ADK: variants seen among roughly 807,000 people sequenced by gnomAD.
ADK encodes the protein N6,N6-dimethyladenosine kinase.
A neutral mutation model predicts 44.7 loss-of-function variants in ADK; 24 were observed. The ratio of observed to expected loss-of-function variants is 0.54; its 90% CI spans 0.39 to 0.76. The LOEUF is 0.76. ADK is among the 30% of genes least tolerant of loss of function. ADK has a pLI of 0.00. For synonymous variants in ADK, 128 were observed against 142.6 expected, an observed-to-expected ratio of 0.90 and a Z score of 0.73; for missense variants, 321 against 425.1, an observed-to-expected ratio of 0.76 and a Z score of 2.15.
intron 4 of ADK, among the ~76,000 whole-genome samples, chr10:74,387,939 C>T (rs1036997274): frequency 2.6e-5 from 4 of 151,528 alleles, no homozygotes; most frequent in Non-Finnish European, 5.9e-5. Flanking sequence ...AGGAGTTCCA[C>T]TCTTATTGCC....
At chr10:74,238,691 T>C (rs1367348983) in intron 3 of ADK, among the ~76,000 whole-genome samples, 1 of 152,150 alleles carries the variant, frequency 6.6e-6, no homozygotes, top group Non-Finnish European at 1.5e-5. Context: ...AAATATTGTT[T>C]CTTTTTGCCT....
intron 1 of ADK, among the ~76,000 whole-genome samples, chr10:74,182,167 T>C (rs1223153042): frequency 6.6e-6 from 1 of 152,200 alleles, no homozygotes; most frequent in Admixed American, 6.5e-5. Flanking sequence ...GTTGAGTTGG[T>C]TTCTTTAGAG....
intron 3 of ADK, among the ~76,000 whole-genome samples, chr10:74,251,894 C>CTTTTTTTT (rs566363104): frequency 7.0e-5 from 7 of 99,394 alleles, no homozygotes; most frequent in African/African-American, 1.2e-4. Context: ...GTGGCAGATA[C>CTTTTTTTT]TTTTTTTTTT....
chr10:74,413,049 A>G (rs1592174521), intron 6 of ADK, among the ~76,000 whole-genome samples: 1 of 151,594 alleles, frequency 6.6e-6, no homozygotes, highest in East Asian at 1.9e-4. Context: ...CAAGAGTGAA[A>G]CTGTCCCCAA....
intron 3 of ADK, among the ~76,000 whole-genome samples, chr10:74,310,676 G>C (rs1840403250): frequency 1.3e-5 from 2 of 152,126 alleles, no homozygotes; most frequent in Non-Finnish European, 2.9e-5. Flanking sequence ...GCTAAATAGA[G>C]TTTAATAATT....
intron 9 of ADK, among the ~76,000 whole-genome samples, chr10:74,631,269 GATTT>G (rs1295108830): frequency 2.1e-5 from 3 of 143,404 alleles, no homozygotes; most frequent in Non-Finnish European, 4.5e-5. Context: ...ATATATATAT[GATTT>G]ATTTATTTTT....
chr10:74,585,411 T>C (rs1482948424), intron 7 of ADK, among the ~76,000 whole-genome samples: 2 of 152,170 alleles, frequency 1.3e-5, no homozygotes, highest in Non-Finnish European at 2.9e-5. Context: ...CAATGAGAAC[T>C]GATTCTGAAA....
rs7087567 is a variant in ADK at position 74,550,229 on chromosome 10, C to A, written c.726+24803C>A. ...GGGATCACAGGCATCCACCACCATG[C>A]CCAGCTAATTTTTGTATTCTTAGTA... On this transcript the variant is annotated intron_variant, in intron 7 of 10. Transcript: ENST00000539909. Among the ~76,000 whole-genome samples the A allele has an allele frequency of 5.3e-3, 799 of 152,098 alleles. 7 individuals are homozygous for A. Among genetic ancestry groups the A allele is most frequent in the African/African-American group, 0.018 (763 of 41,490 alleles).
chr10:74,662,170 A>G (rs1010308922), intron 9 of ADK, among the ~76,000 whole-genome samples: 1 of 152,236 alleles, frequency 6.6e-6, no homozygotes, highest in South Asian at 2.1e-4. Flanking sequence ...AGGTAATAAC[A>G]CTGAGTTTAA....
At chr10:74,198,196 G>A in intron 1 of ADK, among the ~76,000 whole-genome samples, 1 of 152,154 alleles carries the variant, frequency 6.6e-6, no homozygotes, top group East Asian at 1.9e-4. Context: ...AGTAGTCCCA[G>A]TGAAATCATG....
At chr10:74,358,816 A>G (rs1842227417) in intron 4 of ADK, among the ~76,000 whole-genome samples, 2 of 152,380 alleles carry the variant, frequency 1.3e-5, no homozygotes, top group South Asian at 2.1e-4. Flanking sequence ...TTTTAGTAAC[A>G]TACATAATTT....
In ADK at chr10:74,619,020, G is replaced by GTGTT. The variant is rs893504690; in HGVS notation, c.877+18530_877+18531insTTGT. Among the ~76,000 whole-genome samples, 32 of 90,390 alleles carry GTGTT rather than the reference G, an allele frequency of 3.5e-4. 1 individual carries two copies. The South Asian group carries it at 0.02, about 57-fold the overall frequency. The allele number at this position is 90,390 out of a possible 152,430, so 59.3% of individuals were successfully genotyped here. Reference sequence around the variant, plus strand: ...TATGCCTTTTATGCTCTTTGTGTGTGTGTGTGTGTGTGTGTGTGTGTGTGT... The same window carrying GTGTT: ...TATGCCTTTTATGCTCTTTGTGTGTGTGTTTGTGTGTGTGTGTGTGTGTGTGTGT... On this transcript the variant is annotated intron_variant, in intron 9 of 10. Transcript: ENST00000539909.
intron 6 of ADK, among the ~76,000 whole-genome samples, chr10:74,449,797 G>A (rs1845707968): frequency 6.6e-6 from 1 of 152,174 alleles, no homozygotes; most frequent in Admixed American, 6.5e-5. Context: ...ATACTAGACT[G>A]TGAGCTTTCT....
At chr10:74,706,682 T>A (rs1385402631) in intron 10 of ADK, among the ~76,000 whole-genome samples, 6 of 152,236 alleles carry the variant, frequency 3.9e-5, no homozygotes, top group Admixed American at 3.3e-4. Context: ...ATAAATCCTC[T>A]GGCTTTGTTC....
At chr10:74,303,824 C>G (rs1244095103) in intron 3 of ADK, among the ~76,000 whole-genome samples, 1 of 151,658 alleles carries the variant, frequency 6.6e-6, no homozygotes, top group Admixed American at 6.6e-5. Context: ...AAAAAATTAG[C>G]TGGGTGTGGT....
intron 9 of ADK, among the ~76,000 whole-genome samples, chr10:74,609,665 C>T (rs913285259): frequency 6.6e-6 from 1 of 152,058 alleles, no homozygotes; most frequent in Admixed American, 6.6e-5. Context: ...GAGGTGCAGA[C>T]CGGAGCTGTT....
chr10:74,290,017 CTA>C (rs1847343972), intron 3 of ADK, among the ~76,000 whole-genome samples: 1 of 151,728 alleles, frequency 6.6e-6, no homozygotes, highest in Non-Finnish European at 1.5e-5. Context: ...GGAAACCAAA[CTA>C]GTGCTATGCT....
intron 3 of ADK, among the ~76,000 whole-genome samples, chr10:74,243,195 G>C (rs1845290194): frequency 1.3e-5 from 2 of 152,158 alleles, no homozygotes; most frequent in African/African-American, 4.8e-5. Context: ...TGGGGTCGTG[G>C]GCACCCTCAC....
intron 9 of ADK, among the ~76,000 whole-genome samples, chr10:74,659,741 A>C (rs1354744221): frequency 1.3e-5 from 2 of 152,228 alleles, no homozygotes; most frequent in Non-Finnish European, 1.5e-5. Context: ...GTTCCAGGGC[A>C]GGAAGCATCC....
Sources: allele counts gnomAD v4.1 joint callset (sites outside exome capture counted in the v4.1 genomes callset), GRCh38; gene constraint gnomAD v4.1.1; transcripts MANE v1.5; gene names NCBI Gene and HGNC (gene_info 2026-07-23, HGNC 2026-07-21).